VAT1L: variants seen among roughly 807,000 people sequenced by gnomAD.
VAT1L encodes vesicle amine transport 1 like.
In VAT1L, 34 loss-of-function variants were observed where a neutral mutation model predicts 44.1. The ratio of observed to expected loss-of-function variants is 0.77; its 90% CI spans 0.59 to 1.03. The LOEUF (loss-of-function observed/expected upper bound fraction) is 1.03, where lower values mean the gene tolerates loss of function less well. VAT1L is among the 50% of genes least tolerant of loss of function. The pLI is 0.00. For missense variants in VAT1L, 615 were observed against 538.8 expected, an observed-to-expected ratio of 1.14 and a Z score of -1.40; for synonymous variants, 253 against 202.2, an observed-to-expected ratio of 1.25 and a Z score of -2.13.
chr16:77,977,626 A>G lies in VAT1L; in HGVS notation c.1191A>G (p.Glu397=), dbSNP rs2018355084. ...LMANDSTETS[E]AGEEEEDHEG... ...CCAATGACAGCACAGAGACCAGTGA[A>G]GCAGGGGAAGAGGAGGAGGACCACG... Residue 397 remains glutamate, a synonymous_variant, in exon 9 of 9, where the codon GAA becomes GAG. Coordinates refer to ENST00000302536, the MANE Select transcript of VAT1L (RefSeq NM_020927.3). 6.2e-7 allele frequency: 1 copy of G among 1,614,010 alleles called. No individual in the cohort carries two copies.
chr16:77,830,486 C>G (rs2016567439), intron 3 of VAT1L, among the ~76,000 whole-genome samples: 1 of 152,004 alleles, frequency 6.6e-6, no homozygotes, highest in Non-Finnish European at 1.5e-5. Flanking sequence ...TGGGAGGGAC[C>G]CAGTGGGAGG....
At chr16:77,932,960 G>T (rs2017749645) in intron 7 of VAT1L, among the ~76,000 whole-genome samples, 1 of 152,178 alleles carries the variant, frequency 6.6e-6, no homozygotes, top group African/African-American at 2.4e-5. Context: ...AGCACTTGGG[G>T]ACAATTCTCC....
At chr16:77,797,439 C>G (rs1262119812) in intron 1 of VAT1L, among the ~76,000 whole-genome samples, 1 of 152,168 alleles carries the variant, frequency 6.6e-6, no homozygotes, top group African/African-American at 2.4e-5. Flanking sequence ...TGCTAGCTTT[C>G]AAAGCCACCC....
In VAT1L at chr16:77,825,523, C is replaced by A. The variant is rs1028016520; in HGVS notation, c.579+62C>A. 3.9e-6 allele frequency: 6 copies of A among 1,521,844 alleles called. No individual in the cohort carries two copies. The Admixed American group carries it at 7.9e-5, about 20-fold the overall frequency. 94.3% of individuals were successfully genotyped at this position (1,521,844 alleles called of 1,614,324 possible). A position where few individuals can be genotyped will look rare whatever the true frequency, so the allele number is the denominator to read the frequency against. On this transcript the variant is annotated intron_variant, in intron 3 of 8. Transcript: ENST00000302536. ...CATGATGGTGGAAGTGGAGTGACACCCCCCTGAGGTCTTATGTGAGCTATG... is the reference window on the plus strand; with the variant it reads ...CATGATGGTGGAAGTGGAGTGACACACCCCTGAGGTCTTATGTGAGCTATG...
Position 77,825,239 on chromosome 16 carries a change from T to A in VAT1L, c.364-7T>A, listed in dbSNP as rs756035614. 23 of 1,613,804 alleles carry A rather than the reference T, an allele frequency of 1.4e-5. No individual in the cohort carries two copies. The highest frequency in any genetic ancestry group is 1.8e-5 in the Non-Finnish European group (21 of 1,180,018). On this transcript the variant is annotated splice_polypyrimidine_tract_variant and splice_region_variant and intron_variant, in intron 2 of 8. Transcript: ENST00000302536. ...CCTCCACTAACTCTGTGTTTCCCCA[T>A]GCCCAGATTGGAGACCGTGTCATGG...
At chr16:77,808,218 C>G (rs1293633019) in intron 1 of VAT1L, among the ~76,000 whole-genome samples, 1 of 152,032 alleles carries the variant, frequency 6.6e-6, no homozygotes. Context: ...GAGCATGAAC[C>G]CTATTGTGAG....
At chr16:77,935,748 C>G (rs1428310479) in intron 7 of VAT1L, among the ~76,000 whole-genome samples, 2 of 152,110 alleles carry the variant, frequency 1.3e-5, no homozygotes, top group Non-Finnish European at 2.9e-5. Context: ...TAATGTTAAG[C>G]TGGCCAGAAT....
At chr16:77,965,308 G>A (rs943568796) in intron 7 of VAT1L, among the ~76,000 whole-genome samples, 2 of 152,164 alleles carry the variant, frequency 1.3e-5, no homozygotes, top group Admixed American at 6.5e-5. Flanking sequence ...GAGAGAGGAA[G>A]CCAGTTGTTA....
chr16:77,843,471 A>C (rs2016727512), intron 3 of VAT1L, among the ~76,000 whole-genome samples: 1 of 152,138 alleles, frequency 6.6e-6, no homozygotes, highest in Admixed American at 6.5e-5. Flanking sequence ...CTTCCCAGGA[A>C]CCCCTGAGTT....
At chr16:77,817,896 A>G (rs2016383530) in intron 2 of VAT1L, among the ~76,000 whole-genome samples, 1 of 152,178 alleles carries the variant, frequency 6.6e-6, no homozygotes, top group South Asian at 2.1e-4. Flanking sequence ...CTAGGGAGGA[A>G]TGAACATTTG....
At chr16:77,935,568 G>A (rs1455159768) in intron 7 of VAT1L, among the ~76,000 whole-genome samples, 1 of 151,818 alleles carries the variant, frequency 6.6e-6, no homozygotes, top group Non-Finnish European at 1.5e-5. Flanking sequence ...CGGTGGCGGG[G>A]AAGGGAGAAA....
Position 77,977,494 on chromosome 16 carries a change from G to C in VAT1L, c.1162-103G>C, listed in dbSNP as rs540260395. 8.6e-5 allele frequency: 102 copies of C among 1,182,554 alleles called. No homozygotes were observed. In the African/African-American group the frequency reaches 1.4e-3, roughly 16 times the overall value. The allele number at this position is 1,182,554 out of a possible 1,614,324, so 73.3% of individuals were successfully genotyped here. ...CCTTCCAGGGAAACAAGCAACCCTA[G>C]TTCCTAGCCCCCAAGAAGTCCTCCC... On this transcript the variant is annotated intron_variant, in intron 8 of 8. Transcript: ENST00000302536.
intron 7 of VAT1L, among the ~76,000 whole-genome samples, chr16:77,956,314 C>T (rs2018102924): frequency 6.6e-6 from 1 of 152,126 alleles, no homozygotes; most frequent in African/African-American, 2.4e-5. Flanking sequence ...CTCGACTCTC[C>T]TCCTTGAACA....
At chr16:77,940,347 T>TTTC (rs1555521114) in intron 7 of VAT1L, among the ~76,000 whole-genome samples, 4 of 145,892 alleles carry the variant, frequency 2.7e-5, no homozygotes, top group Non-Finnish European at 4.5e-5. Flanking sequence ...TTGGTTTTTT[T>TTTC]TTTTTTTTTT....
chr16:77,820,196 A>G (rs2016427579), intron 2 of VAT1L, among the ~76,000 whole-genome samples: 1 of 152,068 alleles, frequency 6.6e-6, no homozygotes, highest in Non-Finnish European at 1.5e-5. Flanking sequence ...ATTGAGGTAG[A>G]CTCCCGCACC....
intron 7 of VAT1L, among the ~76,000 whole-genome samples, chr16:77,895,471 A>C (rs2017314107): frequency 6.6e-6 from 1 of 152,174 alleles, no homozygotes; most frequent in African/African-American, 2.4e-5. Context: ...ACAAGGGCCT[A>C]TGTAAGAGAG....
intron 7 of VAT1L, among the ~76,000 whole-genome samples, chr16:77,929,036 C>T (rs1227381290): frequency 1.3e-5 from 2 of 152,230 alleles, no homozygotes; most frequent in Non-Finnish European, 1.5e-5. Context: ...AGGATGGTCT[C>T]GATCTCTTGA....
At chr16:77,842,976 G>A (rs1299235255) in intron 3 of VAT1L, among the ~76,000 whole-genome samples, 1 of 152,168 alleles carries the variant, frequency 6.6e-6, no homozygotes, top group Non-Finnish European at 1.5e-5. Flanking sequence ...GTGAGGTATA[G>A]CGTATTCTCA....
intron 3 of VAT1L, among the ~76,000 whole-genome samples, chr16:77,858,871 C>T (rs1190115080): frequency 6.6e-6 from 1 of 152,062 alleles, no homozygotes; most frequent in South Asian, 2.1e-4. Flanking sequence ...CTTGGTGGCT[C>T]ACACCTGTAA....
Sources: gnomAD v4.1 joint callset for allele counts (sites outside exome capture counted in the v4.1 genomes callset) on GRCh38, gnomAD v4.1.1 for gene constraint, MANE v1.5 for transcripts, NCBI Gene and HGNC (gene_info 2026-07-23, HGNC 2026-07-21) for gene names.